RAP1GDS1: variants seen among roughly 807,000 people sequenced by gnomAD.
RAP1GDS1 encodes the protein RAP1, GTP-GDP dissociation stimulator 1.
RAP1GDS1 carries 35 observed loss-of-function variants against 71.1 expected under a neutral mutation model. That is an observed-to-expected ratio of 0.49 (90% confidence interval 0.38 to 0.65). The LOEUF is 0.65. Ranked by LOEUF, RAP1GDS1 falls within the 30% of genes least tolerant of loss-of-function variation. The pLI is 0.00. For missense variants in RAP1GDS1, 663 were observed against 706.1 expected (o/e 0.94, Z 0.69); for synonymous variants, 229 against 243.1 (o/e 0.94, Z 0.54).
intron 2 of RAP1GDS1, among the ~76,000 whole-genome samples, chr4:98,302,672 G>A (rs1197259503): frequency 6.6e-6 from 1 of 152,098 alleles, no homozygotes; most frequent in South Asian, 2.1e-4. Flanking sequence ...ACATAGTGTA[G>A]GAAAACTTTT....
intron 7 of RAP1GDS1, among the ~76,000 whole-genome samples, chr4:98,410,509 G>C (rs1283866628): frequency 6.6e-6 from 1 of 152,088 alleles, no homozygotes; most frequent in Non-Finnish European, 1.5e-5. Flanking sequence ...TCTGCTCTTA[G>C]AAATATACCC....
chr4:98,325,925 A>G (rs557509548), intron 2 of RAP1GDS1, among the ~76,000 whole-genome samples: 1 of 151,852 alleles, frequency 6.6e-6, no homozygotes, highest in African/African-American at 2.4e-5. Flanking sequence ...AGTATTAAAA[A>G]AAAAAAGATT....
intron 4 of RAP1GDS1, among the ~76,000 whole-genome samples, chr4:98,375,855 A>G (rs1253228500): frequency 2.0e-5 from 3 of 152,170 alleles, no homozygotes; most frequent in African/African-American, 7.2e-5. Context: ...GCACTGTACG[A>G]CATGCCACAA....
Position 98,442,739 on chromosome 4 carries a change from T to C in RAP1GDS1, c.*622T>C, listed in dbSNP as rs1039396069. 1.8e-5 allele frequency: 4 copies of C among 228,142 alleles called. No individual in the cohort carries two copies. The highest frequency in any genetic ancestry group is 3.5e-5 in the Non-Finnish European group (4 of 114,810). The allele number at this position is 228,142 out of a possible 1,614,324, so 14.1% of individuals were successfully genotyped here. A position where few individuals can be genotyped will look rare whatever the true frequency, so the allele number is the denominator to read the frequency against. On this transcript the variant is annotated 3_prime_UTR_variant, in exon 15 of 15. Coordinates refer to ENST00000408927, the MANE Select transcript of RAP1GDS1 (RefSeq NM_001100427.2). Reference sequence around the variant, plus strand: ...ACTTGGCAAGACTTTCTGAGGTTTCTGATTCCATATTTAATTGACTATTAT... The same window carrying C: ...ACTTGGCAAGACTTTCTGAGGTTTCCGATTCCATATTTAATTGACTATTAT...
intron 14 of RAP1GDS1, among the ~76,000 whole-genome samples, chr4:98,439,511 A>G (rs1578898509): frequency 6.6e-6 from 1 of 152,236 alleles, no homozygotes; most frequent in African/African-American, 2.4e-5. Context: ...TTTCAGCCCC[A>G]TTCTATCCAC....
At chr4:98,422,896 A>G (rs1298318777) in intron 12 of RAP1GDS1, among the ~76,000 whole-genome samples, 2 of 152,202 alleles carry the variant, frequency 1.3e-5, no homozygotes, top group Admixed American at 6.5e-5. Context: ...ACCAAGCAGT[A>G]TGTTGGCAAG....
intron 7 of RAP1GDS1, among the ~76,000 whole-genome samples, chr4:98,405,717 C>T (rs1746017260): frequency 6.6e-6 from 1 of 151,780 alleles, no homozygotes; most frequent in Non-Finnish European, 1.5e-5. Context: ...TTCAAAGTAA[C>T]AACAGTTTGG....
chr4:98,274,067 T>G (rs1723866323), intron 1 of RAP1GDS1, among the ~76,000 whole-genome samples: 1 of 152,194 alleles, frequency 6.6e-6, no homozygotes, highest in Non-Finnish European at 1.5e-5. Context: ...TTATTACTTG[T>G]AATTGGAACA....
At chr4:98,341,607 G>A (rs1241164998) in intron 2 of RAP1GDS1, among the ~76,000 whole-genome samples, 1 of 152,156 alleles carries the variant, frequency 6.6e-6, no homozygotes. Flanking sequence ...GACCCCTGGG[G>A]CAGTATGACC....
At chr4:98,264,842 AAGAT>A (rs1421829062) in intron 1 of RAP1GDS1, among the ~76,000 whole-genome samples, 3 of 152,232 alleles carry the variant, frequency 2.0e-5, no homozygotes, top group African/African-American at 7.2e-5. Flanking sequence ...GACATAAATG[AAGAT>A]AGATAGGAAA....
chr4:98,436,889 C>T (rs757052899), intron 13 of RAP1GDS1, 51 bp from the exon 14 acceptor site: 1 of 1,466,816 alleles, frequency 6.8e-7, no homozygotes, highest in South Asian at 1.6e-5. Flanking sequence ...CAGTGTTTAT[C>T]CTGAGGATAC....
At position 98,392,033 on chromosome 4, in the gene RAP1GDS1, C is replaced by CTCTT; in HGVS notation, c.591_594dup (p.Thr199SerfsTer11). The CTCTT allele has an allele frequency of 3.7e-6, 6 of 1,612,906 alleles. No homozygotes were observed. Among genetic ancestry groups the CTCTT allele is most frequent in the Non-Finnish European group, 4.2e-6 (5 of 1,179,286 alleles). On this transcript the variant is annotated frameshift_variant, in exon 6 of 15. Transcript: ENST00000408927. LOFTEE classifies it high-confidence loss of function. Reference sequence around the variant, plus strand: ...CTGGGCATCCACTGCCAAAATGCAGCTCTTACAGAAATGTGTCTTGTTGCA... The same window carrying CTCTT: ...CTGGGCATCCACTGCCAAAATGCAGCTCTTTCTTACAGAAATGTGTCTTGTTGCA...
At chr4:98,268,658 A>G (rs1010448045) in intron 1 of RAP1GDS1, among the ~76,000 whole-genome samples, 1 of 152,138 alleles carries the variant, frequency 6.6e-6, no homozygotes. Context: ...AATCAGAAGC[A>G]TTTCTATACA....
chr4:98,434,053 T>G lies in RAP1GDS1; in HGVS notation c.1558T>G (p.Leu520Val). The change falls in exon 13 of 15, where the codon TTA becomes GTA. Residue 520 changes from leucine (L) to valine (V), a missense_variant. Leu to Val is a conservative substitution (Grantham distance 32). Transcript: ENST00000408927. ...ALVALALIAALELGTAEKDLE... is the reference protein window; with the variant it reads ...ALVALALIAAVELGTAEKDLE... The stretch of plus-strand genomic sequence containing the variant: ...TGTTGCTTTGGCATTAATAGCAGCT[T>G]TAGAATTGGGTAAGTACCCCAGTGA... 6.2e-7 allele frequency: 1 copy of G among 1,613,684 alleles called. No homozygotes were observed. Among genetic ancestry groups the G allele is most frequent in the Non-Finnish European group, 8.5e-7 (1 of 1,179,686 alleles).
At position 98,261,416 on chromosome 4, in the gene RAP1GDS1, C is replaced by T; in HGVS notation, c.-150C>T. 8.3e-6 allele frequency: 4 copies of T among 480,264 alleles called. No homozygotes were observed. Among genetic ancestry groups the T allele is most frequent in the Non-Finnish European group, 9.3e-6 (3 of 323,896 alleles). 29.8% of individuals were successfully genotyped at this position (480,264 alleles called of 1,614,324 possible). A position where few individuals can be genotyped will look rare whatever the true frequency, so the allele number is the denominator to read the frequency against. ...CCCGCCGCGGCCGCGCCGCCTGCAG[C>T]AGCACCAGCTGCTCCTCCCCGGCGG... On this transcript the variant is annotated 5_prime_UTR_variant, in exon 1 of 15. Transcript: ENST00000408927.
At chr4:98,291,322 A>T (rs1726880194) in intron 1 of RAP1GDS1, among the ~76,000 whole-genome samples, 2 of 152,142 alleles carry the variant, frequency 1.3e-5, no homozygotes, top group Non-Finnish European at 2.9e-5. Context: ...TTTAAGAAAA[A>T]ATTTTATTTT....
intron 6 of RAP1GDS1, among the ~76,000 whole-genome samples, chr4:98,398,087 G>T (rs1744812316): frequency 6.6e-6 from 1 of 152,060 alleles, no homozygotes; most frequent in Non-Finnish European, 1.5e-5. Flanking sequence ...CTCAAGAGGT[G>T]AGGGCAATCT....
chr4:98,325,227 A>G (rs1253479954), intron 2 of RAP1GDS1, among the ~76,000 whole-genome samples: 1 of 151,498 alleles, frequency 6.6e-6, no homozygotes, highest in Non-Finnish European at 1.5e-5. Flanking sequence ...ATGAGATATC[A>G]TCTCACACCA....
chr4:98,317,306 C>G (rs1328289600), intron 2 of RAP1GDS1, among the ~76,000 whole-genome samples: 1 of 152,156 alleles, frequency 6.6e-6, no homozygotes. Context: ...AGCAATTACT[C>G]TAGTGCCATG....
Sources: gnomAD v4.1 joint callset for allele counts (sites outside exome capture counted in the v4.1 genomes callset) on GRCh38, gnomAD v4.1.1 for gene constraint, MANE v1.5 for transcripts, NCBI Gene and HGNC (gene_info 2026-07-23, HGNC 2026-07-21) for gene names.